TRIQK: variants seen among roughly 807,000 people sequenced by gnomAD.
TRIQK encodes the protein triple QxxK/R motif-containing protein.
TRIQK carries 10 observed loss-of-function variants against 10.8 expected under a neutral mutation model. The observed-to-expected ratio is 0.92, with a 90% CI of 0.57 to 1.57. The LOEUF (loss-of-function observed/expected upper bound fraction) is 1.57. Ranked by LOEUF, TRIQK falls within the 40% of genes most tolerant of loss-of-function variation. The probability of loss-of-function intolerance (pLI) is 0.00; values close to 1 mark genes in which losing one functional copy is unlikely to be tolerated. For synonymous variants in TRIQK, 33 were observed against 33.7 expected (o/e 0.98, Z 0.07); for missense variants, 107 against 97.7 (o/e 1.09, Z -0.40).
chr8:92,889,920 T>C (rs1193597609), intron 4 of TRIQK, among the ~76,000 whole-genome samples: 1 of 151,642 alleles, frequency 6.6e-6, no homozygotes, highest in Non-Finnish European at 1.5e-5. Context: ...TCTATAGATA[T>C]GAATTAAATG....
chr8:92,992,838 G>T (rs1314780999), intron 1 of TRIQK, among the ~76,000 whole-genome samples: 1 of 152,206 alleles, frequency 6.6e-6, no homozygotes, highest in South Asian at 2.1e-4. Flanking sequence ...GCACCCCATT[G>T]TTGGAAGAAT....
At chr8:93,017,113 GA>G (rs1813391624) in intron 1 of TRIQK, among the ~76,000 whole-genome samples, 1 of 316 alleles carries the variant, frequency 3.2e-3, no homozygotes, top group Non-Finnish European at 6.8e-3. Flanking sequence ...TATACTTGGA[GA>G]GAGAGAGAGA....
chr8:92,963,052 C>G (rs995953941), intron 1 of TRIQK, among the ~76,000 whole-genome samples: 2 of 152,022 alleles, frequency 1.3e-5, no homozygotes, highest in Non-Finnish European at 2.9e-5. Flanking sequence ...ATTATTGAGC[C>G]CCTAAAAATC....
At chr8:92,904,774 A>T (rs1447860449) in intron 3 of TRIQK, among the ~76,000 whole-genome samples, 1 of 152,204 alleles carries the variant, frequency 6.6e-6, no homozygotes, top group Non-Finnish European at 1.5e-5. Flanking sequence ...GATATGATGT[A>T]AGTCTTGGAG....
chr8:92,900,103 A>AT (rs1229335631), intron 3 of TRIQK, among the ~76,000 whole-genome samples: 2 of 151,944 alleles, frequency 1.3e-5, no homozygotes, highest in Non-Finnish European at 2.9e-5. Context: ...AGATTATTAA[A>AT]TTTTTTCCTA....
chr8:92,997,647 G>GA, intron 1 of TRIQK, among the ~76,000 whole-genome samples: 2 of 152,160 alleles, frequency 1.3e-5, no homozygotes, highest in East Asian at 3.9e-4. Context: ...TGAGGACACT[G>GA]AAAAAGGCAC....
At chr8:92,985,818 C>T (rs1813026058) in intron 1 of TRIQK, among the ~76,000 whole-genome samples, 1 of 152,026 alleles carries the variant, frequency 6.6e-6, no homozygotes, top group Admixed American at 6.6e-5. Context: ...GGATCCTATC[C>T]TTTCATATTT....
chr8:92,969,343 T>A (rs1812850967), upstream of TRIQK, among the ~76,000 whole-genome samples: 1 of 152,178 alleles, frequency 6.6e-6, no homozygotes, highest in South Asian at 2.1e-4. Flanking sequence ...GTCTAATATC[T>A]TACAGTTATT....
chr8:92,905,495 G>A (rs891016663), intron 3 of TRIQK, among the ~76,000 whole-genome samples: 82 of 152,160 alleles, frequency 5.4e-4, no homozygotes, highest in African/African-American at 1.9e-3. Context: ...TTGCAATTGC[G>A]ATGGAGTATA....
At chr8:92,923,605 T>C (rs576047763) in intron 2 of TRIQK, among the ~76,000 whole-genome samples, 1 of 151,932 alleles carries the variant, frequency 6.6e-6, no homozygotes, top group Non-Finnish European at 1.5e-5. Flanking sequence ...TGAAACTTGA[T>C]AACACATATT....
chr8:92,905,669 T>C (rs1809216134), intron 3 of TRIQK, among the ~76,000 whole-genome samples: 1 of 152,164 alleles, frequency 6.6e-6, no homozygotes, highest in Admixed American at 6.5e-5. Context: ...TAAAAGGTTC[T>C]CCAGTAGATT....
At chr8:92,951,172 G>A (rs753981094) in intron 2 of TRIQK, among the ~76,000 whole-genome samples, 3 of 151,288 alleles carry the variant, frequency 2.0e-5, no homozygotes, top group Non-Finnish European at 4.4e-5. Flanking sequence ...GCAATTGCCT[G>A]AATTCATGGA....
At chr8:92,916,054 A>G (rs548403465) in intron 3 of TRIQK, among the ~76,000 whole-genome samples, 2 of 152,210 alleles carry the variant, frequency 1.3e-5, no homozygotes, top group African/African-American at 4.8e-5. Flanking sequence ...TTCCAAAGCA[A>G]TGGTACAGAT....
intron 1 of TRIQK, among the ~76,000 whole-genome samples, chr8:93,008,020 C>T (rs544161446): frequency 6.6e-6 from 1 of 152,268 alleles, no homozygotes; most frequent in Non-Finnish European, 1.5e-5. Flanking sequence ...AGCCAACATC[C>T]TCAGCAAACT....
chr8:92,926,477 T>A (rs1458913436), intron 2 of TRIQK: 1 of 152,008 alleles, frequency 6.6e-6, no homozygotes, highest in Non-Finnish European at 1.5e-5. Flanking sequence ...GAGGAAGAGA[T>A]TTTTTTTGTT....
chr8:92,968,454 C>G (rs368808096), upstream of TRIQK, among the ~76,000 whole-genome samples: 9 of 152,320 alleles, frequency 5.9e-5, no homozygotes, highest in Admixed American at 5.2e-4. Context: ...CACATCCTCT[C>G]CAGCATCTGT....
chr8:92,940,541 T>C (rs1811216805), intron 2 of TRIQK, among the ~76,000 whole-genome samples: 1 of 152,172 alleles, frequency 6.6e-6, no homozygotes, highest in Admixed American at 6.6e-5. Context: ...AAGGTCATTA[T>C]ATAATAATAA....
chr8:92,957,014 C>T (rs1317373304), intron 1 of TRIQK, among the ~76,000 whole-genome samples: 1 of 151,760 alleles, frequency 6.6e-6, no homozygotes, highest in Non-Finnish European at 1.5e-5. Flanking sequence ...TACAATTTCC[C>T]AACTGAGGAA....
At chr8:92,938,308 A>C (rs1484926349) in intron 2 of TRIQK, among the ~76,000 whole-genome samples, 1 of 152,032 alleles carries the variant, frequency 6.6e-6, no homozygotes, top group Non-Finnish European at 1.5e-5. Flanking sequence ...ACATGATTGG[A>C]TATATGTATA....
Sources: gnomAD v4.1 joint callset for allele counts (sites outside exome capture counted in the v4.1 genomes callset) on GRCh38, gnomAD v4.1.1 for gene constraint, MANE v1.5 for transcripts, NCBI Gene and HGNC (gene_info 2026-07-23, HGNC 2026-07-21) for gene names.